Variants in ACO1 observed in about 807,000 individuals in gnomAD.
ACO1 encodes cytoplasmic aconitate hydratase.
In ACO1, 78 loss-of-function variants were observed where a neutral mutation model predicts 105.1. That is an observed-to-expected ratio of 0.74 (90% CI 0.62 to 0.90). The LOEUF is 0.90. ACO1 is among the 40% of genes least tolerant of loss of function. The pLI is 0.00. For synonymous variants in ACO1, 364 were observed against 397.4 expected (o/e 0.92, Z 1.00); for missense variants, 965 against 1,111.1 (o/e 0.87, Z 1.87).
chr9:32,416,010 A>G (rs1821839093), intron 4 of ACO1, among the ~76,000 whole-genome samples: 1 of 151,870 alleles, frequency 6.6e-6, no homozygotes, highest in South Asian at 2.1e-4. Context: ...TCAGGAATTG[A>G]TCCTACCTAT....
At chr9:32,424,706 C>A in intron 10 of ACO1, 41 bp downstream of exon 10, 1 of 1,364,484 alleles carries the variant, frequency 7.3e-7, no homozygotes, top group Non-Finnish European at 1.0e-6. Flanking sequence ...CTCAACTCTA[C>A]CTCTTGCCTG....
chr9:32,443,625 C>T (rs559938330), intron 19 of ACO1, among the ~76,000 whole-genome samples: 1 of 152,124 alleles, frequency 6.6e-6, no homozygotes, highest in Non-Finnish European at 1.5e-5. Context: ...TCCAGATGTG[C>T]ATATGCTGAT....
At position 32,454,022 on chromosome 9, in the gene ACO1, A is replaced by T. The variant is rs1246515365; in HGVS notation, c.*3911A>T. On this transcript the variant is annotated 3_prime_UTR_variant, in exon 21 of 21. Coordinates refer to ENST00000309951, the MANE Select transcript of ACO1 (RefSeq NM_002197.3). ...ACAGAGTTCCAGACATGTACCTGCC[A>T]AATTTGGTTCTGGTTGTCTTATCGT... 1 of 152,254 alleles carries T rather than the reference A, an allele frequency of 6.6e-6. No individual in the cohort carries two copies. The highest frequency in any genetic ancestry group is 1.5e-5 in the Non-Finnish European group (1 of 68,036). 9.4% of individuals were successfully genotyped at this position (152,254 alleles called of 1,614,324 possible).
chr9:32,419,387 C>T (rs1045529646), intron 7 of ACO1, among the ~76,000 whole-genome samples: 2 of 152,154 alleles, frequency 1.3e-5, no homozygotes, highest in African/African-American at 2.4e-5. Context: ...ATTGCTGCAT[C>T]GATCTTTTTC....
chr9:32,440,004 C>T (rs888550336), intron 18 of ACO1, among the ~76,000 whole-genome samples: 1 of 152,150 alleles, frequency 6.6e-6, no homozygotes, highest in East Asian at 1.9e-4. Flanking sequence ...CAGTGGCTTA[C>T]GCCTGTAATC....
intron 1 of ACO1, among the ~76,000 whole-genome samples, chr9:32,404,474 C>T (rs1047501787): frequency 3.3e-5 from 5 of 152,284 alleles, no homozygotes; most frequent in Non-Finnish European, 5.9e-5. Flanking sequence ...TAGTTGCCAA[C>T]TTTTATAAGC....
chr9:32,399,209 T>C (rs1821436775), intron 1 of ACO1, among the ~76,000 whole-genome samples: 1 of 152,190 alleles, frequency 6.6e-6, no homozygotes, highest in Non-Finnish European at 1.5e-5. Context: ...TCCACATTAA[T>C]AGCTCAGTTA....
chr9:32,436,059 C>T, intron 17 of ACO1, 191 bp from the exon 18 acceptor site: 1 of 740,394 alleles, frequency 1.4e-6, no homozygotes, highest in Non-Finnish European at 2.4e-6. Flanking sequence ...ACCACCCCTT[C>T]TCACCTCTCT....
rs752097488 is a variant in ACO1, at chr9:32,424,626, C to T, written c.1149C>T (p.Ser383=). ...PKRPQDKVAV[S]DMKKDFESCL... is the part of the protein sequence containing the mutation. ...GGCCTCAGGACAAAGTTGCTGTGTC[C>T]GACATGAAAAAGGACTTTGAGAGCT... Residue 383 remains serine, a synonymous_variant, in exon 10 of 21, where the codon TCC becomes TCT. Coordinates refer to ENST00000309951, the MANE Select transcript of ACO1 (RefSeq NM_002197.3). 1.0e-4 allele frequency: 161 copies of T among 1,613,778 alleles called. 3 individuals carry two copies. The highest frequency in any genetic ancestry group is 8.7e-4 in the South Asian group (79 of 91,066).
chr9:32,445,659 T>C, intron 19 of ACO1: 1 of 245,432 alleles, frequency 4.1e-6, no homozygotes, highest in Non-Finnish European at 8.4e-6. Context: ...CTGCTAGCTT[T>C]TGAGTTTGTT....
In ACO1 at chr9:32,408,500, C is replaced by T; in HGVS notation, c.267-14C>T. 2 of 1,613,080 alleles carry T rather than the reference C, an allele frequency of 1.2e-6. No individual in the cohort carries two copies. The highest frequency in any genetic ancestry group is 1.7e-6 in the Non-Finnish European group (2 of 1,179,674). On this transcript the variant is annotated splice_polypyrimidine_tract_variant and intron_variant, in intron 3 of 20. Transcript: ENST00000309951. ...TAAGGCTTATTTTCTGCATTATTCTCTTTCTTCTCTTAGGGGTGTGCCCGC... is the reference window on the plus strand; with the variant it reads ...TAAGGCTTATTTTCTGCATTATTCTTTTTCTTCTCTTAGGGGTGTGCCCGC...
chr9:32,419,249 A>G (rs944346657), intron 7 of ACO1, 72 bp downstream of exon 7: 31 of 1,424,080 alleles, frequency 2.2e-5, no homozygotes, highest in Non-Finnish European at 2.7e-5. Flanking sequence ...GGAATACATA[A>G]TGGAATCTTG....
At chr9:32,391,086 A>G (rs1163085150) in intron 1 of ACO1, among the ~76,000 whole-genome samples, 2 of 152,150 alleles carry the variant, frequency 1.3e-5, no homozygotes, top group African/African-American at 4.8e-5. Context: ...TAGCAATCTC[A>G]TGAATTATGG....
chr9:32,418,276 GA>G lies in ACO1; in HGVS notation c.475-51del, dbSNP rs1821894215. ...GGGAGAGATGCCAAGGAGATGGGCTGAGTAGAAGTACTTCACGCGTTCATAG... is the reference window on the plus strand; with the variant it reads ...GGGAGAGATGCCAAGGAGATGGGCTGGTAGAAGTACTTCACGCGTTCATAG... On this transcript the variant is annotated intron_variant, in intron 5 of 20. Coordinates refer to ENST00000309951, the MANE Select transcript of ACO1 (RefSeq NM_002197.3). 3 of 1,612,462 alleles carry G rather than the reference GA, an allele frequency of 1.9e-6. No individual in the cohort carries two copies. The Admixed American group carries it at 5.0e-5, about 27-fold the overall frequency.
intron 12 of ACO1, among the ~76,000 whole-genome samples, 170 bp downstream of exon 12, chr9:32,427,606 C>T (rs1027601280): frequency 1.3e-5 from 2 of 152,180 alleles, no homozygotes; most frequent in African/African-American, 2.4e-5. Context: ...AAAGAGAGCC[C>T]TCTTGCCCTC....
rs1032200265 is a variant in ACO1, at chr9:32,452,528, C to G, written c.*2417C>G. 1.3e-5 allele frequency: 2 copies of G among 152,244 alleles called. No individual in the cohort carries two copies. The highest frequency in any genetic ancestry group is 1.3e-4 in the Admixed American group (2 of 15,276). The allele number at this position is 152,244 out of a possible 1,614,324, so 9.4% of individuals were successfully genotyped here. A position where few individuals can be genotyped will look rare whatever the true frequency, so the allele number is the denominator to read the frequency against. On this transcript the variant is annotated 3_prime_UTR_variant, in exon 21 of 21. Coordinates refer to ENST00000309951, the MANE Select transcript of ACO1 (RefSeq NM_002197.3). ...TTCCAGCCAGAACTGTGAGAAATTT[C>G]TATTGTTTATAAGCCACCCAGTTGA...
intron 1 of ACO1, among the ~76,000 whole-genome samples, chr9:32,393,165 G>A (rs187306993): frequency 5.7e-4 from 87 of 152,228 alleles, no homozygotes; most frequent in Non-Finnish European, 1.0e-3. Context: ...CCGGTGAGCC[G>A]GGGGGGAAAC....
intron 1 of ACO1, among the ~76,000 whole-genome samples, chr9:32,396,976 G>C (rs1460842075): frequency 6.6e-6 from 1 of 151,888 alleles, no homozygotes; most frequent in Non-Finnish European, 1.5e-5. Flanking sequence ...CATCATTTAA[G>C]CTTTTTTTTT....
chr9:32,426,038 G>A, intron 11 of ACO1, 41 bp downstream of exon 11: 1 of 1,596,106 alleles, frequency 6.3e-7, no homozygotes, highest in Non-Finnish European at 8.6e-7. Context: ...ATACATGTGT[G>A]TAGGTGGAAA....
Sources: gnomAD v4.1 joint callset for allele counts (sites outside exome capture counted in the v4.1 genomes callset) on GRCh38, gnomAD v4.1.1 for gene constraint, MANE v1.5 for transcripts, NCBI Gene and HGNC (gene_info 2026-07-23, HGNC 2026-07-21) for gene names.